The following TMEM131 variants were observed in gnomAD, a reference collection of about 807,000 sequenced individuals.
TMEM131 encodes the protein transmembrane protein 131, also known as 2610524E03Rik.
Under a neutral mutation model 211.6 loss-of-function variants are expected in TMEM131, and 66 were observed. The ratio of observed to expected loss-of-function variants is 0.31; its 90% confidence interval spans 0.26 to 0.38. TMEM131 has a LOEUF of 0.38. Ranked by LOEUF, TMEM131 falls within the 10% of genes least tolerant of loss-of-function variation. TMEM131 has a pLI of 1.00. For missense variants in TMEM131, 2,036 were observed against 2,299.3 expected, an observed-to-expected ratio of 0.89 and a Z score of 2.34; for synonymous variants, 844 against 841.3, an observed-to-expected ratio of 1.00 and a Z score of -0.06.
In TMEM131 at chr2:97,874,698, C is replaced by G. The variant is rs536935852; in HGVS notation, c.359+13354G>C. Among the ~76,000 whole-genome samples the G allele has an allele frequency of 1.1e-4, 17 of 152,296 alleles. No individual in the cohort carries two copies. The East Asian group carries it at 3.1e-3, about 28-fold the overall frequency. ...CTGAGATATTCTGTCACCACCAGGC[C>G]TGCCTTACAAGAGCTCCTGAAGGAA... is the stretch of plus-strand genomic sequence containing the variant. On this transcript the variant is annotated intron_variant, in intron 4 of 40. Coordinates refer to ENST00000186436, the MANE Select transcript of TMEM131 (RefSeq NM_015348.2).
At chr2:97,852,107 T>C (rs1028216177) in intron 5 of TMEM131, among the ~76,000 whole-genome samples, 3 of 151,434 alleles carry the variant, frequency 2.0e-5, no homozygotes, top group African/African-American at 4.9e-5. Flanking sequence ...TTATTGCTGA[T>C]AGGGATAAAG....
intron 35 of TMEM131, chr2:97,764,364 G>A (rs1228871469): frequency 6.6e-6 from 1 of 152,322 alleles, no homozygotes; most frequent in African/African-American, 2.4e-5. Flanking sequence ...GTGATGGAGA[G>A]CATGTGGGAC....
At chr2:97,795,564 T>C (rs925847498) in intron 28 of TMEM131, among the ~76,000 whole-genome samples, 1 of 152,220 alleles carries the variant, frequency 6.6e-6, no homozygotes, top group Non-Finnish European at 1.5e-5. Flanking sequence ...TTGCTAATTG[T>C]ATGTACCTTG....
In TMEM131 at chr2:97,759,657, G is replaced by C. The variant is rs1678714123; in HGVS notation, c.5201C>G (p.Thr1734Ser). 1.9e-6 allele frequency: 3 copies of C among 1,612,248 alleles called. No homozygotes were observed. The highest frequency in any genetic ancestry group is 2.5e-6 in the Non-Finnish European group (3 of 1,178,774). ...ATCTAGTGTTAAACACTCACCACCAGTTAGATTAAAAGAGTTTCCAAAGGC... is the reference window on the plus strand; with the variant it reads ...ATCTAGTGTTAAACACTCACCACCACTTAGATTAAAAGAGTTTCCAAAGGC... ...FSAFGNSFNL[T>S]GEVFSKLGLS... The change falls in exon 39 of 41, where the codon ACT becomes AGT. Residue 1734 changes from threonine to serine, a missense_variant. By Grantham distance (58) the Thr-to-Ser change is moderately conservative. Transcript: ENST00000186436.
At chr2:97,842,566 G>A (rs1185545354) in intron 6 of TMEM131, among the ~76,000 whole-genome samples, 1 of 152,134 alleles carries the variant, frequency 6.6e-6, no homozygotes, top group Non-Finnish European at 1.5e-5. Context: ...AGTGTTGGGG[G>A]AGAGTGGAGG....
intron 31 of TMEM131, among the ~76,000 whole-genome samples, chr2:97,781,069 T>TC (rs1679974057): frequency 6.6e-6 from 1 of 152,180 alleles, no homozygotes; most frequent in Admixed American, 6.5e-5. Flanking sequence ...ATGCAATCAT[T>TC]CGGGTCTGTC....
chr2:97,808,337 TA>T (rs1243307278), intron 19 of TMEM131, among the ~76,000 whole-genome samples: 1 of 152,192 alleles, frequency 6.6e-6, no homozygotes, highest in Non-Finnish European at 1.5e-5. Flanking sequence ...TTGTTTCTCT[TA>T]ACCCACTACT....
chr2:97,822,730 T>G (rs940046749), intron 11 of TMEM131, among the ~76,000 whole-genome samples: 2 of 152,046 alleles, frequency 1.3e-5, no homozygotes, highest in African/African-American at 4.8e-5. Flanking sequence ...GTGCAACTAT[T>G]CCGATCAGCA....
Position 97,796,392 on chromosome 2 carries a change from C to T in TMEM131, c.3026G>A (p.Arg1009Lys), listed in dbSNP as rs779404255. Reference sequence around the variant, plus strand: ...TCTTTTCAATGTGAAATTTGGTTCTCTTAGTTTTAAACCTAAAGGATAAAA... The same window carrying T: ...TCTTTTCAATGTGAAATTTGGTTCTTTTAGTTTTAAACCTAAAGGATAAAA... ...LKDCTDSLKL[R>K]EPNFTLKRTF... The change falls in exon 28 of 41, where the codon AGA (arginine) becomes AAA (lysine). Residue 1009 changes from arginine to lysine, a missense_variant. By Grantham distance (26) the Arg-to-Lys change is conservative (BLOSUM62 2). This residue lies in a region of TMEM131 where 1,623 missense variants were observed against 1,805.9 expected (regional missense o/e 0.90). Transcript: ENST00000186436. 8.5e-6 allele frequency: 13 copies of T among 1,523,438 alleles called. No homozygotes were observed. The South Asian group carries it at 1.5e-4, about 18-fold the overall frequency. The allele number at this position is 1,523,438 out of a possible 1,614,324, so 94.4% of individuals were successfully genotyped here.
chr2:97,968,098 TCTGTAGGC>T (rs1014976394), intron 1 of TMEM131, among the ~76,000 whole-genome samples: 3 of 152,044 alleles, frequency 2.0e-5, no homozygotes, highest in African/African-American at 7.2e-5. Flanking sequence ...TCAGCATCCA[TCTGTAGGC>T]CTGTTCACTC....
chr2:97,842,609 A>G (rs1363312642), intron 6 of TMEM131, among the ~76,000 whole-genome samples: 2 of 152,078 alleles, frequency 1.3e-5, no homozygotes, highest in African/African-American at 4.8e-5. Flanking sequence ...ATCCAGTGAG[A>G]GTGGCCTGGA....
intron 31 of TMEM131, among the ~76,000 whole-genome samples, chr2:97,782,999 G>T (rs572400662): frequency 1.3e-5 from 2 of 149,278 alleles, no homozygotes; most frequent in African/African-American, 4.9e-5. Flanking sequence ...CCTCAAAAAG[G>T]GTAAACAGAA....
intron 11 of TMEM131, among the ~76,000 whole-genome samples, chr2:97,829,767 C>G (rs1682575167): frequency 6.6e-6 from 1 of 152,140 alleles, no homozygotes; most frequent in South Asian, 2.1e-4. Flanking sequence ...CAAGAACCCA[C>G]CAGAAGGAAC....
rs577897207 is a variant in TMEM131, at chr2:97,787,357, G to A, written c.4144+5029C>T. Among the ~76,000 whole-genome samples, 6 of 152,300 alleles carry A rather than the reference G, an allele frequency of 3.9e-5. No homozygotes were observed. The East Asian group carries it at 1.2e-3, about 29-fold the overall frequency. On this transcript the variant is annotated intron_variant, in intron 31 of 40. Coordinates refer to ENST00000186436, the MANE Select transcript of TMEM131 (RefSeq NM_015348.2). The stretch of plus-strand genomic sequence containing the variant: ...TATTTCAGGGAAGTTTCAATCACTA[G>A]CAAATGGGTTCTCTGAACATATGTG...
In TMEM131 at chr2:97,908,724, A is replaced by G. The variant is rs1676173995; in HGVS notation, c.250-26T>C. The G allele has an allele frequency of 1.9e-6, 3 of 1,587,864 alleles. No individual in the cohort carries two copies. The African/African-American group carries it at 4.0e-5, about 21-fold the overall frequency. ...CTGTAAAAGGAATAAAATAATGATT[A>G]AAAAACTGAAGCCAAATATTTATAT... On this transcript the variant is annotated intron_variant, in intron 2 of 40. Transcript: ENST00000186436.
intron 11 of TMEM131, among the ~76,000 whole-genome samples, chr2:97,832,294 T>C (rs1362324704): frequency 6.6e-6 from 1 of 152,208 alleles, no homozygotes; most frequent in Non-Finnish European, 1.5e-5. Flanking sequence ...TCCTATAATA[T>C]GTTTATTGAA....
chr2:97,853,538 G>A (rs545706327), intron 5 of TMEM131, among the ~76,000 whole-genome samples: 1 of 151,518 alleles, frequency 6.6e-6, no homozygotes, highest in Non-Finnish European at 1.5e-5. Flanking sequence ...CCTGGGAGGC[G>A]GAGGTTGCAG....
intron 1 of TMEM131, among the ~76,000 whole-genome samples, chr2:97,974,760 T>G (rs1679457968): frequency 6.7e-6 from 1 of 149,824 alleles, no homozygotes; most frequent in Admixed American, 6.6e-5. Context: ...CAAATAAAAG[T>G]ATCTGAGAAC....
chr2:97,845,616 T>A (rs1413584526), intron 5 of TMEM131, among the ~76,000 whole-genome samples: 1 of 152,198 alleles, frequency 6.6e-6, no homozygotes, highest in Admixed American at 6.5e-5. Context: ...TAGCATTACA[T>A]GCTTATTTTG....
Sources: gnomAD v4.1 joint callset for allele counts (sites outside exome capture counted in the v4.1 genomes callset) on GRCh38, gnomAD v4.1.1 for gene constraint, gnomAD v4.1.1 regional missense constraint, MANE v1.5 for transcripts, NCBI Gene and HGNC (gene_info 2026-07-23, HGNC 2026-07-21) for gene names.